The following TYW1 variants were observed in gnomAD, a reference collection of about 807,000 sequenced individuals.
TYW1 encodes the protein S-adenosyl-L-methionine-dependent tRNA 4-demethylwyosine synthase TYW1.
In TYW1, 46 loss-of-function variants were observed where a neutral mutation model predicts 96.2. That is an observed-to-expected ratio of 0.48 (90% confidence interval 0.38 to 0.61). The LOEUF (loss-of-function observed/expected upper bound fraction) is 0.61. Ranked by LOEUF, TYW1 falls within the 20% of genes least tolerant of loss-of-function variation. The probability of loss-of-function intolerance (pLI) is 0.00; values close to 1 mark genes in which losing one functional copy is unlikely to be tolerated. For synonymous variants in TYW1, 274 were observed against 323.0 expected (o/e 0.85, Z 1.63); for missense variants, 684 against 909.6 (o/e 0.75, Z 3.19).
At chr7:67,048,941 G>A (rs146231518) in intron 7 of TYW1, among the ~76,000 whole-genome samples, 7,862 of 152,312 alleles carry the variant, frequency 0.052, 275 homozygotes, top group Admixed American at 0.072. Context: ...TTGAACCCGG[G>A]AGGTGGTGTT....
At position 67,072,963 on chromosome 7, in the gene TYW1, T is replaced by TTTTTTTTTTTTTTTTG. The variant is rs1219374462; in HGVS notation, c.1274+5561_1274+5562insTTTTTTTTTTTTTTGT. 3.5e-4 allele frequency among the ~76,000 whole-genome samples: 41 copies of TTTTTTTTTTTTTTTTG among 118,684 alleles called. 3 individuals carry two copies. Among genetic ancestry groups the TTTTTTTTTTTTTTTTG allele is most frequent in the African/African-American group, 1.3e-3 (37 of 29,022 alleles). The allele number at this position is 118,684 out of a possible 152,430, so 77.9% of individuals were successfully genotyped here. Reference sequence around the variant, plus strand: ...TTTTTTTTTTTTTTTTTTTTTTTTTTTATAGAGACAGGGTCTTGCTATGTT... The same window carrying TTTTTTTTTTTTTTTTG: ...TTTTTTTTTTTTTTTTTTTTTTTTTTTTTTTTTTTTTTTTTGTATAGAGACAGGGTCTTGCTATGTT... On this transcript the variant is annotated intron_variant, in intron 10 of 15. Transcript: ENST00000359626.
intron 7 of TYW1, among the ~76,000 whole-genome samples, chr7:67,027,964 G>A (rs1450139751): frequency 6.6e-6 from 1 of 151,550 alleles, no homozygotes; most frequent in Non-Finnish European, 1.5e-5. Flanking sequence ...ACTGGGTGTG[G>A]TGGCTCATGC....
chr7:67,035,155 G>C (rs1258483042), intron 7 of TYW1, among the ~76,000 whole-genome samples: 1 of 146,006 alleles, frequency 6.8e-6, no homozygotes, highest in Non-Finnish European at 1.5e-5. Flanking sequence ...GTCTTGCTCT[G>C]TTGCCCAGGC....
intron 13 of TYW1, among the ~76,000 whole-genome samples, chr7:67,156,413 G>A (rs974135080): frequency 1.6e-4 from 25 of 152,366 alleles, no homozygotes; most frequent in East Asian, 9.6e-4. Context: ...GAGAAACCAC[G>A]TTTTCAGGGC....
chr7:67,020,825 C>G (rs1254587089), intron 6 of TYW1, among the ~76,000 whole-genome samples: 2 of 152,272 alleles, frequency 1.3e-5, no homozygotes, highest in Non-Finnish European at 2.9e-5. Flanking sequence ...GTTGGGAGTT[C>G]GAGACCAGCC....
At chr7:67,159,207 G>C (rs1010647450) in intron 13 of TYW1, among the ~76,000 whole-genome samples, 7 of 151,950 alleles carry the variant, frequency 4.6e-5, no homozygotes, top group Non-Finnish European at 1.0e-4. Flanking sequence ...CATTAGTTGG[G>C]TTTGTCATGA....
intron 10 of TYW1, among the ~76,000 whole-genome samples, chr7:67,078,954 A>G (rs1043441484): frequency 5.3e-5 from 8 of 152,058 alleles, no homozygotes; most frequent in African/African-American, 1.9e-4. Context: ...TTGGCCTCCC[A>G]AAGTGCTGGG....
In TYW1 at chr7:67,080,956, T is replaced by TG. The variant is rs200621506; in HGVS notation, c.1275-2474_1275-2473insG. Among the ~76,000 whole-genome samples the TG allele has an allele frequency of 8.8e-3, 1,276 of 145,366 alleles. 18 individuals are homozygous for TG. The highest frequency in any genetic ancestry group is 0.031 in the African/African-American group (1,191 of 38,392). ...TTTCTTACTGTTTTTTTTTTTTTTT[T>TG]TTTTTTTTTTTGCAGTTTGGTGGTC... On this transcript the variant is annotated intron_variant, in intron 10 of 15. Transcript: ENST00000359626.
In TYW1 at chr7:67,014,476, T is replaced by C; in HGVS notation, c.485T>C (p.Phe162Ser). 1.2e-6 allele frequency: 2 copies of C among 1,613,970 alleles called. No individual in the cohort carries two copies. Among genetic ancestry groups the C allele is most frequent in the Non-Finnish European group, 1.7e-6 (2 of 1,179,870 alleles). ...TGGTTAGAGGAAGCATCCATTGATT[T>C]TCGATTTGGCAAAACTTACCTGAAG... Reference protein sequence around the residue: ...CKWLEEASIDFRFGKTYLKGM... With the variant: ...CKWLEEASIDSRFGKTYLKGM... Residue 162 changes from phenylalanine (F) to serine (S), a missense_variant, in exon 5 of 16, where the codon TTT becomes TCT. Physicochemically the swap from Phe to Ser is radical, Grantham distance 155 (BLOSUM62 -2). Transcript: ENST00000359626.
At chr7:67,103,751 G>T (rs754440603) in intron 12 of TYW1, among the ~76,000 whole-genome samples, 2 of 152,206 alleles carry the variant, frequency 1.3e-5, no homozygotes, top group Non-Finnish European at 2.9e-5. Context: ...ATGTATTTTG[G>T]AAGTTTCCTT....
intron 12 of TYW1, among the ~76,000 whole-genome samples, chr7:67,101,497 C>T (rs1259603264): frequency 1.3e-5 from 2 of 152,144 alleles, no homozygotes; most frequent in Non-Finnish European, 2.9e-5. Context: ...TACATTCGCA[C>T]ACGCAGTCAG....
chr7:67,094,080 A>G (rs2115834067), intron 11 of TYW1, among the ~76,000 whole-genome samples: 1 of 152,214 alleles, frequency 6.6e-6, no homozygotes, highest in Admixed American at 6.5e-5. Context: ...TTCCCACTTA[A>G]AAGTGAGAAC....
At chr7:67,230,581 G>GT (rs1801720977) in intron 15 of TYW1, among the ~76,000 whole-genome samples, 1 of 150,102 alleles carries the variant, frequency 6.7e-6, no homozygotes, top group Non-Finnish European at 1.5e-5. Flanking sequence ...ATTTATCTCC[G>GT]TATCTCTAAA....
chr7:67,067,844 G>A (rs1795913011), intron 10 of TYW1, among the ~76,000 whole-genome samples: 1 of 151,730 alleles, frequency 6.6e-6, no homozygotes, highest in African/African-American at 2.4e-5. Context: ...AGTTTATCTT[G>A]CTGGAAATAC....
intron 15 of TYW1, among the ~76,000 whole-genome samples, chr7:67,229,893 A>G (rs1357497126): frequency 1.3e-5 from 2 of 152,364 alleles, no homozygotes; most frequent in Non-Finnish European, 2.9e-5. Flanking sequence ...TTGAGGCTTC[A>G]GTGAGCTATG....
At chr7:67,091,588 C>T (rs1234427810) in intron 11 of TYW1, among the ~76,000 whole-genome samples, 2 of 152,134 alleles carry the variant, frequency 1.3e-5, no homozygotes, top group African/African-American at 4.8e-5. Flanking sequence ...AATTTAGAGG[C>T]TGTTTCAATT....
chr7:67,174,099 G>A (rs1799592356), intron 13 of TYW1, among the ~76,000 whole-genome samples: 1 of 148,232 alleles, frequency 6.7e-6, no homozygotes, highest in African/African-American at 2.5e-5. Context: ...CAAGATGTCT[G>A]TAGTTAGACT....
At chr7:67,158,477 C>A (rs965431030) in intron 13 of TYW1, among the ~76,000 whole-genome samples, 1 of 152,118 alleles carries the variant, frequency 6.6e-6, no homozygotes, top group African/African-American at 2.4e-5. Context: ...TCTGTACTAG[C>A]CTGCCAATGT....
At chr7:67,172,769 CCA>C (rs72163467) in intron 13 of TYW1, among the ~76,000 whole-genome samples, 23,374 of 151,988 alleles carry the variant, frequency 0.15, 1,923 homozygotes, top group African/African-American at 0.21. Flanking sequence ...CATGATTTAA[CCA>C]CAGATTTTCT....
Sources: gnomAD v4.1 joint callset for allele counts (sites outside exome capture counted in the v4.1 genomes callset) on GRCh38, gnomAD v4.1.1 for gene constraint, MANE v1.5 for transcripts, NCBI Gene and HGNC (gene_info 2026-07-23, HGNC 2026-07-21) for gene names.